Variants in DENND4C observed in about 807,000 individuals in gnomAD.
DENND4C encodes the protein DENN domain containing 4C, also known as DENN domain-containing protein 4C.
DENND4C carries 108 observed loss-of-function variants against 203.0 expected under a neutral mutation model. The observed-to-expected ratio is 0.53, with a 90% CI of 0.46 to 0.62. The LOEUF is 0.62. Ranked by LOEUF, DENND4C falls within the 20% of genes least tolerant of loss-of-function variation. The pLI, the probability that DENND4C is intolerant of heterozygous loss-of-function variation, is 0.00. For missense variants in DENND4C, 2,481 were observed against 2,301.2 expected (o/e 1.08, Z -1.60); for synonymous variants, 871 against 792.4 (o/e 1.10, Z -1.67).
rs186237933 is a variant in DENND4C, at chr9:19,303,294, A to G, written c.1312-2058A>G. Among the ~76,000 whole-genome samples, 312 of 152,130 alleles carry G rather than the reference A, an allele frequency of 2.1e-3. 3 individuals carry two copies. Among genetic ancestry groups the G allele is most frequent in the African/African-American group, 7.2e-3 (299 of 41,514 alleles). On this transcript the variant is annotated intron_variant, in intron 9 of 32. Coordinates refer to ENST00000434457, the MANE Select transcript of DENND4C (RefSeq NM_001330640.2). Reference sequence around the variant, plus strand: ...CCTGTAGTATAATATTTTATTCCTTATGTTTTTCATTTATTTTCTCTCTTC... The same window carrying G: ...CCTGTAGTATAATATTTTATTCCTTGTGTTTTTCATTTATTTTCTCTCTTC...
intron 1 of DENND4C, among the ~76,000 whole-genome samples, chr9:19,232,104 T>C (rs541282679): frequency 7.4e-4 from 112 of 152,318 alleles, no homozygotes; most frequent in Middle Eastern, 3.4e-3. Flanking sequence ...TTGATCACTA[T>C]AGCATGCAAA....
chr9:19,322,023 G>A (rs1016434541), intron 12 of DENND4C, among the ~76,000 whole-genome samples: 1 of 152,096 alleles, frequency 6.6e-6, no homozygotes, highest in African/African-American at 2.4e-5. Flanking sequence ...GTGAGATAGT[G>A]TACATAGTTT....
At chr9:19,321,423 T>G (rs182406926) in intron 12 of DENND4C, among the ~76,000 whole-genome samples, 1 of 152,136 alleles carries the variant, frequency 6.6e-6, no homozygotes, top group Non-Finnish European at 1.5e-5. Context: ...GCCATGCCCT[T>G]TATAAGAAGT....
intron 22 of DENND4C, among the ~76,000 whole-genome samples, chr9:19,344,498 T>G (rs895804319): frequency 1.3e-5 from 2 of 152,036 alleles, no homozygotes; most frequent in African/African-American, 4.8e-5. Flanking sequence ...ACCCTAACTT[T>G]GTTTGTTTGT....
intron 22 of DENND4C, 86 bp downstream of exon 22, chr9:19,342,865 T>G (rs781197651): frequency 6.0e-6 from 7 of 1,172,866 alleles, no homozygotes; most frequent in Non-Finnish European, 7.8e-6. Context: ...AATTTTTGAC[T>G]TAATTGTAAT....
chr9:19,318,609 C>T (rs771919264), intron 12 of DENND4C, among the ~76,000 whole-genome samples: 7 of 152,166 alleles, frequency 4.6e-5, no homozygotes, highest in Non-Finnish European at 2.9e-5. Flanking sequence ...ATTATTTTCT[C>T]GTGGTTTTGG....
intron 10 of DENND4C, among the ~76,000 whole-genome samples, chr9:19,312,930 T>C (rs747327514): frequency 1.2e-4 from 18 of 152,216 alleles, no homozygotes; most frequent in Non-Finnish European, 1.5e-4. Flanking sequence ...CTGTGCATAG[T>C]ATATAACTGG....
At position 19,257,996 on chromosome 9, in the gene DENND4C, C is replaced by T. The variant is rs188843003; in HGVS notation, c.-17-18162C>T. The stretch of plus-strand genomic sequence containing the variant: ...AACTGGATGTGGTGGTTCATGTCCA[C>T]GGTACCAGCTACTTGAGATGCTGAG... On this transcript the variant is annotated intron_variant, in intron 1 of 32. Coordinates refer to ENST00000434457, the MANE Select transcript of DENND4C (RefSeq NM_001330640.2). Among the ~76,000 whole-genome samples, 640 of 152,058 alleles carry T rather than the reference C, an allele frequency of 4.2e-3. 6 individuals carry two copies. The highest frequency in any genetic ancestry group is 0.013 in the African/African-American group (541 of 41,466).
chr9:19,268,241 A>G (rs2130784331), intron 1 of DENND4C, among the ~76,000 whole-genome samples: 1 of 152,042 alleles, frequency 6.6e-6, no homozygotes, highest in African/African-American at 2.4e-5. Context: ...CTGGGACCCC[A>G]GGTGTGCACC....
chr9:19,323,058 A>C (rs533225395), intron 12 of DENND4C, among the ~76,000 whole-genome samples: 9 of 152,028 alleles, frequency 5.9e-5, no homozygotes, highest in African/African-American at 1.7e-4. Flanking sequence ...TAATTCTAGC[A>C]CTTTGGGAGG....
At chr9:19,253,148 G>A (rs1279696495) in intron 1 of DENND4C, among the ~76,000 whole-genome samples, 1 of 152,228 alleles carries the variant, frequency 6.6e-6, no homozygotes, top group African/African-American at 2.4e-5. Context: ...ATGTTTAGAA[G>A]TTTTTAATTA....
chr9:19,252,087 G>A (rs1048623827), intron 1 of DENND4C, among the ~76,000 whole-genome samples: 1 of 152,124 alleles, frequency 6.6e-6, no homozygotes, highest in Non-Finnish European at 1.5e-5. Context: ...CCTGAGACTG[G>A]GCAATTTACA....
intron 1 of DENND4C, among the ~76,000 whole-genome samples, chr9:19,240,880 T>C (rs896257039): frequency 1.3e-5 from 2 of 151,850 alleles, no homozygotes; most frequent in Non-Finnish European, 2.9e-5. Flanking sequence ...AGTAGGAGAA[T>C]TGAACCCAGG....
At position 19,357,124 on chromosome 9, in the gene DENND4C, C is replaced by A. The variant is rs759234404; in HGVS notation, c.4934C>A (p.Thr1645Asn). The A allele has an allele frequency of 3.1e-6, 5 of 1,613,888 alleles. No individual in the cohort carries two copies. In the South Asian group the frequency reaches 4.4e-5, roughly 14 times the overall value. Residue 1645 changes from threonine (T) to asparagine (N), a missense_variant, in exon 27 of 33, where the codon ACT becomes AAT. Physicochemically the swap from Thr to Asn is moderately conservative, Grantham distance 65. Around this residue, in one of 3 missense-constraint regions of DENND4C, gnomAD observed 2,289 missense variants for 2,113.3 expected, o/e 1.08. Coordinates refer to ENST00000434457, the MANE Select transcript of DENND4C (RefSeq NM_001330640.2). The part of the protein sequence containing the change: ...MDFPKHNQII[T>N]EETGSAVEPS... ...TTCCCAAAACATAACCAGATCATAA[C>A]TGAAGAAACAGGCTCTGCAGTTGAA...
rs1563811771 is a variant in DENND4C, at chr9:19,332,040, G to GT, written c.2317dup (p.Cys773LeufsTer4). On this transcript the variant is annotated frameshift_variant, in exon 17 of 33. Transcript: ENST00000434457. LOFTEE classifies it high-confidence loss of function. ...ATACAAATCCACCACAGTGGGCCAA[G>GT]TGTCTGTTTAGTCATTGTTACAGTT... 4 of 1,614,060 alleles carry GT rather than the reference G, an allele frequency of 2.5e-6. No individual in the cohort carries two copies. The highest frequency in any genetic ancestry group is 3.4e-6 in the Non-Finnish European group (4 of 1,180,006).
At chr9:19,363,674 A>C (rs913127320) in intron 30 of DENND4C, among the ~76,000 whole-genome samples, 6 of 152,110 alleles carry the variant, frequency 3.9e-5, no homozygotes, top group Non-Finnish European at 7.4e-5. Context: ...TTAAAAGCTC[A>C]ATCATACTAG....
chr9:19,268,103 ATT>A (rs74664928), intron 1 of DENND4C, among the ~76,000 whole-genome samples: 51 of 144,366 alleles, frequency 3.5e-4, no homozygotes, highest in South Asian at 4.4e-4. Flanking sequence ...GTTTTTGGGT[ATT>A]TTTTTTTTTT....
In DENND4C at chr9:19,373,026, A is replaced by C. The variant is rs1359140264; in HGVS notation, c.*853A>C. On this transcript the variant is annotated 3_prime_UTR_variant, in exon 33 of 33. Coordinates refer to ENST00000434457, the MANE Select transcript of DENND4C (RefSeq NM_001330640.2). The stretch of plus-strand genomic sequence containing the variant: ...AAAGGGGTCTCATTGACTATTAAAT[A>C]AATGACTACTACTAAACTTGTCTGT... The C allele has an allele frequency of 6.6e-6, 1 of 152,032 alleles. No individual in the cohort carries two copies. The highest frequency in any genetic ancestry group is 2.4e-5 in the African/African-American group (1 of 41,442). The allele number at this position is 152,032 out of a possible 1,614,324, so 9.4% of individuals were successfully genotyped here.
chr9:19,241,684 A>G (rs1823768357), intron 1 of DENND4C, among the ~76,000 whole-genome samples: 1 of 151,764 alleles, frequency 6.6e-6, no homozygotes, highest in Non-Finnish European at 1.5e-5. Flanking sequence ...TGTCTGGACT[A>G]CCTCCTGAAG....
Sources: allele counts gnomAD v4.1 joint callset (sites outside exome capture counted in the v4.1 genomes callset), GRCh38; gene constraint gnomAD v4.1.1; regional missense constraint gnomAD v4.1.1; transcripts MANE v1.5; gene names NCBI Gene and HGNC (gene_info 2026-07-23, HGNC 2026-07-21).